Variants in MARCHF10 observed in about 807,000 individuals in gnomAD.
MARCHF10 encodes membrane associated ring-CH-type finger 10, also known as probable E3 ubiquitin-protein ligase MARCHF10.
A neutral mutation model predicts 76.2 loss-of-function variants in MARCHF10; 64 were observed. That is an observed-to-expected ratio of 0.84 (90% CI 0.69 to 1.03). The LOEUF is 1.03. MARCHF10 is among the 50% of genes least tolerant of loss of function. The pLI is 0.00. For missense variants in MARCHF10, 875 were observed against 958.0 expected, an observed-to-expected ratio of 0.91 and a Z score of 1.14; for synonymous variants, 340 against 357.5, an observed-to-expected ratio of 0.95 and a Z score of 0.55.
At chr17:62,721,099 C>T (rs935611700) in intron 8 of MARCHF10, among the ~76,000 whole-genome samples, 3 of 152,136 alleles carry the variant, frequency 2.0e-5, no homozygotes, top group Non-Finnish European at 4.4e-5. Flanking sequence ...AAACTCCTGA[C>T]TTCAAGTGAT....
In MARCHF10 at chr17:62,778,152, G is replaced by A. The variant is rs374970044; in HGVS notation, c.210+10328C>T. Among the ~76,000 whole-genome samples the A allele has an allele frequency of 5.3e-5, 8 of 152,286 alleles. 1 individual carries two copies. In the East Asian group the frequency reaches 5.8e-4, roughly 11 times the overall value. ...TGTTCTAAGAATACAAAGACAGGACGAGCAAAACCATTCAACCCCCAGGAG... is the reference window on the plus strand; with the variant it reads ...TGTTCTAAGAATACAAAGACAGGACAAGCAAAACCATTCAACCCCCAGGAG... On this transcript the variant is annotated intron_variant, in intron 3 of 10. Coordinates refer to ENST00000311269, the MANE Select transcript of MARCHF10 (RefSeq NM_152598.4).
chr17:62,769,705 C>T (rs535203025), intron 3 of MARCHF10, among the ~76,000 whole-genome samples: 12 of 152,310 alleles, frequency 7.9e-5, no homozygotes, highest in South Asian at 2.1e-4. Flanking sequence ...TCAGCCACCA[C>T]GCCCAGCCTA....
At chr17:62,796,692 C>T (rs1295590290) in intron 2 of MARCHF10, among the ~76,000 whole-genome samples, 2 of 152,260 alleles carry the variant, frequency 1.3e-5, no homozygotes, top group Admixed American at 1.3e-4. Context: ...GGATGTCACA[C>T]AAAAGACAAT....
intron 5 of MARCHF10, chr17:62,737,637 C>T (rs887516103): frequency 3.7e-5 from 13 of 346,872 alleles, no homozygotes; most frequent in Non-Finnish European, 5.7e-5. Context: ...TGATGATGCG[C>T]AAACCTCACA....
intron 2 of MARCHF10, among the ~76,000 whole-genome samples, chr17:62,796,211 C>CA (rs1261968549): frequency 1.3e-5 from 2 of 152,030 alleles, no homozygotes; most frequent in African/African-American, 4.8e-5. Flanking sequence ...AGGCTGATCT[C>CA]AAACTCCTGG....
chr17:62,755,991 G>C (rs767452755), intron 4 of MARCHF10, among the ~76,000 whole-genome samples: 1 of 152,024 alleles, frequency 6.6e-6, no homozygotes, highest in Non-Finnish European at 1.5e-5. Context: ...GCTCATGCCT[G>C]TAACCCCAGT....
At chr17:62,754,031 G>T (rs905622554) in intron 4 of MARCHF10, among the ~76,000 whole-genome samples, 12 of 152,138 alleles carry the variant, frequency 7.9e-5, no homozygotes, top group African/African-American at 2.9e-4. Flanking sequence ...CTTCACTGAT[G>T]ATCAAATCGT....
chr17:62,722,627 T>C, intron 7 of MARCHF10, 30 bp from the exon 8 acceptor site: 1 of 1,562,574 alleles, frequency 6.4e-7, no homozygotes, highest in South Asian at 1.1e-5. Context: ...TATATGTACA[T>C]ATAACCATGG....
At chr17:62,707,049 C>A (rs190422253) in intron 9 of MARCHF10, among the ~76,000 whole-genome samples, 78 of 152,332 alleles carry the variant, frequency 5.1e-4, no homozygotes, top group African/African-American at 1.9e-3. Context: ...GCCTGTCCCT[C>A]ACCCCAGACC....
At chr17:62,771,242 G>T (rs1359696910) in intron 3 of MARCHF10, among the ~76,000 whole-genome samples, 1 of 152,132 alleles carries the variant, frequency 6.6e-6, no homozygotes, top group African/African-American at 2.4e-5. Flanking sequence ...AACATGGAAT[G>T]GGGGATGGAG....
At chr17:62,787,649 T>A (rs2092767925) in intron 3 of MARCHF10, among the ~76,000 whole-genome samples, 1 of 152,112 alleles carries the variant, frequency 6.6e-6, no homozygotes, top group Non-Finnish European at 1.5e-5. Context: ...CTGCCTAGAA[T>A]GGAATCTCTA....
chr17:62,796,832 A>G (rs764266080), intron 2 of MARCHF10, among the ~76,000 whole-genome samples: 1 of 152,122 alleles, frequency 6.6e-6, no homozygotes, highest in Non-Finnish European at 1.5e-5. Flanking sequence ...TCTCTATAAA[A>G]ATACAAAAAA....
chr17:62,736,634 C>CT lies in MARCHF10; in HGVS notation c.1233dup (p.Glu412ArgfsTer7). ...ACATTTTCAGCATTGACACCAACCT[C>CT]TTGTCTGGGCTCGGATTTGGTGTCC... On this transcript the variant is annotated frameshift_variant, in exon 6 of 11. Transcript: ENST00000311269. LOFTEE classifies it high-confidence loss of function. 2 of 1,614,198 alleles carry CT rather than the reference C, an allele frequency of 1.2e-6. No homozygotes were observed. The highest frequency in any genetic ancestry group is 1.7e-6 in the Non-Finnish European group (2 of 1,180,038).
At chr17:62,725,620 C>T (rs529471639) in intron 6 of MARCHF10, among the ~76,000 whole-genome samples, 11 of 152,276 alleles carry the variant, frequency 7.2e-5, no homozygotes, top group African/African-American at 7.2e-5. Context: ...TGTGAGCTGA[C>T]ATGGAGGACC....
intron 3 of MARCHF10, among the ~76,000 whole-genome samples, chr17:62,768,990 AATT>A (rs1341469540): frequency 6.6e-6 from 1 of 152,138 alleles, no homozygotes; most frequent in African/African-American, 2.4e-5. Context: ...TTGGCTTTTT[AATT>A]ATTTTTCCCA....
intron 5 of MARCHF10, chr17:62,737,551 A>AT (rs555299787): frequency 5.4e-4 from 294 of 547,900 alleles, no homozygotes; most frequent in Non-Finnish European, 7.1e-4. Context: ...TCCTAGGGAA[A>AT]TGGGGGGACC....
intron 3 of MARCHF10, among the ~76,000 whole-genome samples, chr17:62,773,852 C>G (rs1461871358): frequency 6.6e-6 from 1 of 152,182 alleles, no homozygotes; most frequent in Non-Finnish European, 1.5e-5. Flanking sequence ...GAGGCTGTGG[C>G]CTTTCAGCGG....
At chr17:62,701,803 C>T (rs201291034) in intron 10 of MARCHF10, 45 bp from the exon 11 acceptor site, 896 of 1,612,792 alleles carry the variant, frequency 5.6e-4, no homozygotes, top group Non-Finnish European at 6.4e-4. Flanking sequence ...CGCAGCAGAC[C>T]GTGGGTCTGT....
At chr17:62,733,631 T>C (rs559813882) in intron 6 of MARCHF10, among the ~76,000 whole-genome samples, 1 of 152,324 alleles carries the variant, frequency 6.6e-6, no homozygotes, top group Admixed American at 6.5e-5. Context: ...CCAGGAGACA[T>C]TTACAAGAAT....
Sources: allele counts gnomAD v4.1 joint callset (sites outside exome capture counted in the v4.1 genomes callset), GRCh38; gene constraint gnomAD v4.1.1; transcripts MANE v1.5; gene names NCBI Gene and HGNC (gene_info 2026-07-23, HGNC 2026-07-21).